ESYT2: variants seen among roughly 807,000 people sequenced by gnomAD.
ESYT2 encodes the protein extended synaptotagmin-2.
ESYT2 carries 54 observed loss-of-function variants against 107.2 expected under a neutral mutation model. The observed-to-expected ratio is 0.50, with a 90% confidence interval of 0.40 to 0.63. The LOEUF is 0.63. Ranked by LOEUF, ESYT2 falls within the 30% of genes least tolerant of loss-of-function variation. The pLI is 0.00. For missense variants in ESYT2, 1,020 were observed against 1,094.5 expected (o/e 0.93, Z 0.96); for synonymous variants, 491 against 434.1 (o/e 1.13, Z -1.63).
In ESYT2 at chr7:158,733,808, TATTTCCTTCTGA is replaced by T. The variant is rs1836824004; in HGVS notation, c.*387_*398del. On this transcript the variant is annotated 3_prime_UTR_variant, in exon 23 of 23. Coordinates refer to ENST00000275418, the MANE Select transcript of ESYT2 (RefSeq NM_001367773.1). ...AGAAAATATATATATTTCCTTGATC[TATTTCCTTCTGA>T]ATTTAAACCAGCATGTAAAGATTAT... 1 of 155,642 alleles carries T rather than the reference TATTTCCTTCTGA, an allele frequency of 6.4e-6. No individual in the cohort carries two copies. The allele number at this position is 155,642 out of a possible 1,614,324, so 9.6% of individuals were successfully genotyped here.
At position 158,760,142 on chromosome 7, in the gene ESYT2, G is replaced by A; in HGVS notation, c.1239C>T (p.Phe413=). The A allele has an allele frequency of 6.2e-7, 1 of 1,613,996 alleles. No homozygotes were observed. Among genetic ancestry groups the A allele is most frequent in the Non-Finnish European group, 8.5e-7 (1 of 1,179,882 alleles). ...TCCCCTTGGGAACCTCGTCCAGAGT[G>A]AACCACTGAAGAGAAAAAATGTTTA... is the stretch of plus-strand genomic sequence containing the variant. ...VEKERLLDEW[F]TLDEVPKGKL... Residue 413 remains phenylalanine (F), a synonymous_variant, in exon 12 of 23, where the codon TTC becomes TTT. Coordinates refer to ENST00000275418, the MANE Select transcript of ESYT2 (RefSeq NM_001367773.1).
chr7:158,741,952 T>A lies in ESYT2; in HGVS notation c.1795-56A>T, dbSNP rs376675132. The A allele has an allele frequency of 1.3e-5, 19 of 1,497,782 alleles. No individual in the cohort carries two copies. In the East Asian group the frequency reaches 3.0e-4, roughly 24 times the overall value. The allele number at this position is 1,497,782 out of a possible 1,614,324, so 92.8% of individuals were successfully genotyped here. On this transcript the variant is annotated intron_variant, in intron 17 of 22. Transcript: ENST00000275418. The stretch of plus-strand genomic sequence containing the variant: ...CTTGGTGACACTGGTAACATCCTAA[T>A]ACTGGAACAGCCTGGGATGTCTTTA...
At chr7:158,762,216 C>T (rs1837994735) in intron 10 of ESYT2, among the ~76,000 whole-genome samples, 1 of 152,114 alleles carries the variant, frequency 6.6e-6, no homozygotes, top group East Asian at 1.9e-4. Context: ...TCTTCTGCCC[C>T]CCACAATCTA....
intron 16 of ESYT2, 103 bp from the exon 17 acceptor site, chr7:158,743,781 T>G: frequency 7.6e-7 from 1 of 1,314,434 alleles, no homozygotes; most frequent in East Asian, 3.0e-5. Flanking sequence ...AGATAGGAAC[T>G]TAGAAAATGT....
At chr7:158,762,787 T>C (rs971836455) in intron 10 of ESYT2, among the ~76,000 whole-genome samples, 18 of 152,234 alleles carry the variant, frequency 1.2e-4, no homozygotes, top group African/African-American at 4.3e-4. Context: ...CTTTAAGCCT[T>C]GTAAACAAAG....
chr7:158,765,003 G>T, intron 8 of ESYT2, 150 bp from the exon 9 acceptor site: 1 of 738,306 alleles, frequency 1.4e-6, no homozygotes, highest in South Asian at 1.8e-5. Flanking sequence ...CCAGCAGCGG[G>T]GAAATGCAAG....
At chr7:158,742,182 T>A (rs1587373975) in intron 17 of ESYT2, among the ~76,000 whole-genome samples, 2 of 152,046 alleles carry the variant, frequency 1.3e-5, no homozygotes, top group South Asian at 4.1e-4. Flanking sequence ...CCTCAAGAGA[T>A]CCTCCCGCCT....
chr7:158,752,729 C>G, intron 14 of ESYT2, 52 bp downstream of exon 14: 1 of 1,185,920 alleles, frequency 8.4e-7, no homozygotes, highest in Non-Finnish European at 1.1e-6. Context: ...AAAGTATCAT[C>G]TCTTTCAATA....
At chr7:158,739,682 A>G (rs780758130) in intron 18 of ESYT2, among the ~76,000 whole-genome samples, 1 of 152,174 alleles carries the variant, frequency 6.6e-6, no homozygotes, top group Non-Finnish European at 1.5e-5. Flanking sequence ...CCTGAAAACT[A>G]AAAGTAAAAT....
rs779712940 is a variant in ESYT2, at chr7:158,733,066, G to A, written c.*1141C>T. ...CATGGCATAAAGTGAGGCAGCCTGG[G>A]AAGTGGCTGCTGAGAACAGCAGGGG... On this transcript the variant is annotated 3_prime_UTR_variant, in exon 23 of 23. Coordinates refer to ENST00000275418, the MANE Select transcript of ESYT2 (RefSeq NM_001367773.1). The A allele has an allele frequency of 2.6e-5, 4 of 152,226 alleles. No homozygotes were observed. Among genetic ancestry groups the A allele is most frequent in the Admixed American group, 6.5e-5 (1 of 15,284 alleles). The allele number at this position is 152,226 out of a possible 1,614,324, so 9.4% of individuals were successfully genotyped here.
At chr7:158,784,569 G>A (rs1337940254) in intron 6 of ESYT2, among the ~76,000 whole-genome samples, 1 of 152,248 alleles carries the variant, frequency 6.6e-6, no homozygotes, top group Non-Finnish European at 1.5e-5. Context: ...GGAGAGGAAA[G>A]CGAGCAGAGG....
intron 2 of ESYT2, among the ~76,000 whole-genome samples, chr7:158,798,538 C>T (rs540560229): frequency 1.4e-5 from 2 of 146,952 alleles, no homozygotes; most frequent in Non-Finnish European, 3.0e-5. Flanking sequence ...CCCAGCTACT[C>T]GGGAGGCTGA....
intron 13 of ESYT2, among the ~76,000 whole-genome samples, chr7:158,756,117 T>C (rs1020583260): frequency 6.6e-6 from 1 of 152,186 alleles, no homozygotes; most frequent in Non-Finnish European, 1.5e-5. Context: ...TGAGAATGCA[T>C]AGGGAAATCC....
intron 6 of ESYT2, among the ~76,000 whole-genome samples, chr7:158,778,519 G>A (rs1275233115): frequency 2.0e-5 from 3 of 151,498 alleles, no homozygotes; most frequent in African/African-American, 7.3e-5. Context: ...GTACAAAGTG[G>A]AAGGAGGAAA....
At chr7:158,770,030 T>C (rs894742522) in intron 7 of ESYT2, among the ~76,000 whole-genome samples, 5 of 151,938 alleles carry the variant, frequency 3.3e-5, no homozygotes, top group African/African-American at 1.2e-4. Flanking sequence ...GTAGCTGGGA[T>C]TACAGGTGTG....
intron 6 of ESYT2, among the ~76,000 whole-genome samples, chr7:158,786,637 T>TAAAAG (rs1211372815): frequency 6.6e-6 from 1 of 152,084 alleles, no homozygotes; most frequent in Non-Finnish European, 1.5e-5. Flanking sequence ...TGATGACACT[T>TAAAAG]AATTCTTTTG....
In ESYT2 at chr7:158,798,006, G is replaced by A. The variant is rs1443055175; in HGVS notation, c.443C>T (p.Ala148Val). Residue 148 changes from alanine (A) to valine (V), a missense_variant, in exon 3 of 23, where the codon GCC (alanine) becomes GTC (valine). Coordinates refer to ENST00000275418, the MANE Select transcript of ESYT2 (RefSeq NM_001367773.1). ...EKLFRETIEP[A>V]VRGANTHLST... ...AAGGTGGGTGTTTGCTCCCCGCACG[G>A]CTGGTTCTATAGTTTCTCGAAACAA... is the stretch of plus-strand genomic sequence containing the variant. The A allele has an allele frequency of 1.9e-6, 3 of 1,614,152 alleles. No individual in the cohort carries two copies. Among genetic ancestry groups the A allele is most frequent in the Middle Eastern group, 1.6e-4 (1 of 6,062 alleles).
intron 15 of ESYT2, among the ~76,000 whole-genome samples, 194 bp from the exon 16 acceptor site, chr7:158,748,474 GTGT>G (rs1563623780): frequency 6.6e-6 from 1 of 152,236 alleles, no homozygotes; most frequent in Non-Finnish European, 1.5e-5. Context: ...GATGGTGGAT[GTGT>G]TGAAAAGATA....
chr7:158,772,615 T>G (rs1363104684), intron 7 of ESYT2, among the ~76,000 whole-genome samples: 1 of 152,220 alleles, frequency 6.6e-6, no homozygotes, highest in Non-Finnish European at 1.5e-5. Context: ...CCAACAGGTC[T>G]GCCACCCACA....
Sources: gnomAD v4.1 joint callset for allele counts (sites outside exome capture counted in the v4.1 genomes callset) on GRCh38, gnomAD v4.1.1 for gene constraint, MANE v1.5 for transcripts, NCBI Gene and HGNC (gene_info 2026-07-23, HGNC 2026-07-21) for gene names.